TM9SF3: variants seen among roughly 807,000 people sequenced by gnomAD.
TM9SF3 encodes the protein transmembrane 9 superfamily member 3.
A neutral mutation model predicts 78.6 loss-of-function variants in TM9SF3; 14 were observed. The observed-to-expected ratio is 0.18, with a 90% CI of 0.12 to 0.28. The LOEUF (loss-of-function observed/expected upper bound fraction) is 0.28, where lower values mean the gene tolerates loss of function less well. Ranked by LOEUF, TM9SF3 falls within the 10% of genes least tolerant of loss-of-function variation. The pLI, the probability that TM9SF3 is intolerant of heterozygous loss-of-function variation, is 1.00. For synonymous variants in TM9SF3, 231 were observed against 241.7 expected, an observed-to-expected ratio of 0.96 and a Z score of 0.41; for missense variants, 496 against 721.9, an observed-to-expected ratio of 0.69 and a Z score of 3.59.
Position 96,562,173 on chromosome 10 carries a change from C to A in TM9SF3, c.422-35G>T, listed in dbSNP as rs765466759. ...AAAAAACACTTTATACAAGGTAAAA[C>A]CACTTAATATTTAAAATATCCTACA... On this transcript the variant is annotated intron_variant, in intron 3 of 14. Coordinates refer to ENST00000371142, the MANE Select transcript of TM9SF3 (RefSeq NM_020123.4). 4.1e-6 allele frequency: 6 copies of A among 1,451,720 alleles called. No homozygotes were observed. The South Asian group carries it at 5.0e-5, about 12-fold the overall frequency. 89.9% of individuals were successfully genotyped at this position (1,451,720 alleles called of 1,614,324 possible).
intron 4 of TM9SF3, chr10:96,560,844 A>G: frequency 1.9e-6 from 1 of 538,672 alleles, no homozygotes; most frequent in Non-Finnish European, 3.6e-6. Context: ...CAGGAAAAAA[A>G]ATTCCTAAAA....
chr10:96,573,352 T>C (rs181044276), intron 2 of TM9SF3, among the ~76,000 whole-genome samples: 123 of 152,312 alleles, frequency 8.1e-4, no homozygotes, highest in African/African-American at 3.0e-3. Flanking sequence ...CTACAACACT[T>C]TTCAAAGCAT....
chr10:96,567,033 T>C (rs1487451390), intron 2 of TM9SF3, among the ~76,000 whole-genome samples: 8 of 151,170 alleles, frequency 5.3e-5, no homozygotes, highest in Non-Finnish European at 1.5e-5. Flanking sequence ...ATGGTAGATT[T>C]AAGTAGGAAG....
intron 2 of TM9SF3, among the ~76,000 whole-genome samples, chr10:96,566,084 T>C (rs977562190): frequency 6.6e-6 from 1 of 152,292 alleles, no homozygotes; most frequent in African/African-American, 2.4e-5. Context: ...TTAATAAACC[T>C]AGTATTTCAA....
intron 1 of TM9SF3, among the ~76,000 whole-genome samples, chr10:96,581,682 A>G (rs777782445): frequency 2.0e-5 from 3 of 152,260 alleles, no homozygotes; most frequent in Non-Finnish European, 4.4e-5. Flanking sequence ...TATACTCTTT[A>G]TAAGTTTTCA....
chr10:96,575,212 A>G (rs932661578), intron 2 of TM9SF3, among the ~76,000 whole-genome samples: 18 of 152,322 alleles, frequency 1.2e-4, no homozygotes, highest in African/African-American at 3.8e-4. Context: ...CCTCTTTAAT[A>G]AACTAGAAAT....
intron 9 of TM9SF3, among the ~76,000 whole-genome samples, chr10:96,541,288 A>C (rs1011104026): frequency 6.6e-6 from 1 of 152,220 alleles, no homozygotes; most frequent in Non-Finnish European, 1.5e-5. Context: ...GAACTCTTAC[A>C]GGACCAAAAC....
Position 96,562,018 on chromosome 10 carries a change from A to G in TM9SF3, c.542T>C (p.Val181Ala). ...VDVNLTSEGK[V>A]KLVPNTKIQM... ...GATTTTAGTATTTGGAACCAGTTTC[A>G]CCTTTCCTTCACTAGTTAGATTAAC... The change falls in exon 4 of 15, where the codon GTG becomes GCG. Residue 181 changes from valine to alanine, a missense_variant. Around this residue, in one of 4 missense-constraint regions of TM9SF3, gnomAD observed 155 missense variants for 241.6 expected, o/e 0.64. Coordinates refer to ENST00000371142, the MANE Select transcript of TM9SF3 (RefSeq NM_020123.4). 1 of 1,612,700 alleles carries G rather than the reference A, an allele frequency of 6.2e-7. No individual in the cohort carries two copies. The highest frequency in any genetic ancestry group is 8.5e-7 in the Non-Finnish European group (1 of 1,179,528).
intron 2 of TM9SF3, among the ~76,000 whole-genome samples, chr10:96,566,159 A>G (rs1007314659): frequency 1.3e-5 from 2 of 152,222 alleles, no homozygotes; most frequent in African/African-American, 4.8e-5. Context: ...AAACATGTCA[A>G]TCAAAAGAAG....
At chr10:96,556,899 T>C (rs1848239803) in intron 5 of TM9SF3, among the ~76,000 whole-genome samples, 1 of 152,188 alleles carries the variant, frequency 6.6e-6, no homozygotes, top group Non-Finnish European at 1.5e-5. Flanking sequence ...AGTGCTCATC[T>C]TACTTGACCC....
chr10:96,577,667 C>T (rs1848513383), intron 1 of TM9SF3: 1 of 152,144 alleles, frequency 6.6e-6, no homozygotes, highest in African/African-American at 2.4e-5. Context: ...ACATTGGATG[C>T]ATTTAAATCA....
rs781079968 is a variant in TM9SF3, at chr10:96,533,142, C to T, written c.1234G>A (p.Val412Ile). 6.2e-7 allele frequency: 1 copy of T among 1,613,836 alleles called. No homozygotes were observed. Among genetic ancestry groups the T allele is most frequent in the Non-Finnish European group, 8.5e-7 (1 of 1,179,918 alleles). Residue 412 changes from valine to isoleucine, a missense_variant, in exon 10 of 15, where the codon GTT becomes ATT. Val to Ile is a conservative substitution (Grantham distance 29). Coordinates refer to ENST00000371142, the MANE Select transcript of TM9SF3 (RefSeq NM_020123.4). ...CFFVILPLNL[V>I]GTILGRNLSG... ...AGATTTCGGCCAAGTATTGTACCAA[C>T]AAGATTTAGAGGAAGAATAACAAAA...
At chr10:96,537,805 A>G (rs1847978137) in intron 9 of TM9SF3, among the ~76,000 whole-genome samples, 1 of 152,248 alleles carries the variant, frequency 6.6e-6, no homozygotes. Flanking sequence ...CCAACAGAAT[A>G]ATATGAAATA....
chr10:96,559,329 T>C (rs550586692), intron 5 of TM9SF3, among the ~76,000 whole-genome samples: 3 of 152,228 alleles, frequency 2.0e-5, no homozygotes, highest in Non-Finnish European at 4.4e-5. Flanking sequence ...TTCTCCAATA[T>C]TCACCTCATT....
At position 96,560,171 on chromosome 10, in the gene TM9SF3, C is replaced by T. The variant is rs878959245; in HGVS notation, c.583-435G>A. The T allele has an allele frequency of 3.6e-5, 31 of 869,704 alleles. No individual in the cohort carries two copies. The South Asian group carries it at 3.8e-4, about 11-fold the overall frequency. The allele number at this position is 869,704 out of a possible 1,614,324, so 53.9% of individuals were successfully genotyped here. A position where few individuals can be genotyped will look rare whatever the true frequency, so the allele number is the denominator to read the frequency against. Reference sequence around the variant, plus strand: ...GTCTGCCTTCTTTCCCACCTAAATGCGTGCTGCCACCCCATGGAAGATTCG... The same window carrying T: ...GTCTGCCTTCTTTCCCACCTAAATGTGTGCTGCCACCCCATGGAAGATTCG... On this transcript the variant is annotated intron_variant, in intron 4 of 14. Coordinates refer to ENST00000371142, the MANE Select transcript of TM9SF3 (RefSeq NM_020123.4).
chr10:96,549,520 T>C (rs12221262), intron 7 of TM9SF3, among the ~76,000 whole-genome samples: 31,083 of 152,006 alleles, frequency 0.2, 3,540 homozygotes, highest in Admixed American at 0.3. Context: ...AGAATGGAAA[T>C]AGAATATTTC....
At position 96,520,185 on chromosome 10, in the gene TM9SF3, T is replaced by C. The variant is rs188718156; in HGVS notation, c.*2078A>G. On this transcript the variant is annotated 3_prime_UTR_variant, in exon 15 of 15. Transcript: ENST00000371142. ...AGAAACCAAAAAAGTACTTTATATATAGTTAAAAGGTTACATAATATAGGC... is the reference window on the plus strand; with the variant it reads ...AGAAACCAAAAAAGTACTTTATATACAGTTAAAAGGTTACATAATATAGGC... The C allele has an allele frequency of 1.3e-5, 2 of 152,024 alleles. No individual in the cohort carries two copies. Among genetic ancestry groups the C allele is most frequent in the East Asian group, 1.9e-4 (1 of 5,190 alleles). 9.4% of individuals were successfully genotyped at this position (152,024 alleles called of 1,614,324 possible).
chr10:96,532,623 A>G (rs1847911274), intron 10 of TM9SF3, among the ~76,000 whole-genome samples: 1 of 152,210 alleles, frequency 6.6e-6, no homozygotes, highest in South Asian at 2.1e-4. Context: ...TCTGCATGTG[A>G]TAGTATCTCT....
intron 9 of TM9SF3, 63 bp from the exon 10 acceptor site, chr10:96,533,253 A>T: frequency 6.6e-7 from 1 of 1,523,804 alleles, no homozygotes; most frequent in African/African-American, 1.4e-5. Flanking sequence ...AAACAAATAA[A>T]AGAGACACAA....
Sources: allele counts gnomAD v4.1 joint callset (sites outside exome capture counted in the v4.1 genomes callset), GRCh38; gene constraint gnomAD v4.1.1; regional missense constraint gnomAD v4.1.1; transcripts MANE v1.5; gene names NCBI Gene and HGNC (gene_info 2026-07-23, HGNC 2026-07-21).